EXOC1: variants seen among roughly 807,000 people sequenced by gnomAD.
EXOC1 encodes the protein exocyst complex component 1.
EXOC1 carries 67 observed loss-of-function variants against 107.7 expected under a neutral mutation model. The ratio of observed to expected loss-of-function variants is 0.62; its 90% CI spans 0.51 to 0.76. The LOEUF (loss-of-function observed/expected upper bound fraction) is 0.76. EXOC1 is among the 30% of genes least tolerant of loss of function. The pLI is 0.00. For synonymous variants in EXOC1, 348 were observed against 353.5 expected (o/e 0.98, Z 0.17); for missense variants, 833 against 1,055.7 (o/e 0.79, Z 2.92).
chr4:55,897,357 A>G (rs1464784394), intron 16 of EXOC1, among the ~76,000 whole-genome samples: 1 of 152,146 alleles, frequency 6.6e-6, no homozygotes. Flanking sequence ...TTTGCATTTT[A>G]ACAAGTGGTC....
At chr4:55,893,427 C>A in intron 14 of EXOC1, 125 bp from the exon 15 acceptor site, 2 of 889,084 alleles carry the variant, frequency 2.2e-6, no homozygotes, top group Non-Finnish European at 3.4e-6. Flanking sequence ...GCTATTTAGA[C>A]ATTTTTAATT....
rs781333428 is a variant in EXOC1, at chr4:55,890,372, A to G, written c.1525A>G (p.Thr509Ala). Residue 509 changes from threonine to alanine, a missense_variant, in exon 12 of 19, where the codon ACC becomes GCC. Physicochemically the swap from Thr to Ala is moderately conservative, Grantham distance 58. This residue lies in a region of EXOC1 where 617 missense variants were observed against 701.3 expected (regional missense o/e 0.88). Transcript: ENST00000381295. ...CTCTGATCTCGATGTTGCTGACAGG[A>G]CCAAATTTGATAAGGTAAACTAAAA... is the stretch of plus-strand genomic sequence containing the variant. ...SASDLDVADRTKFDKIFEQVL... is the reference protein window; with the variant it reads ...SASDLDVADRAKFDKIFEQVL... 8.7e-6 allele frequency: 14 copies of G among 1,613,682 alleles called. No homozygotes were observed. In the South Asian group the frequency reaches 1.5e-4, roughly 18 times the overall value.
At chr4:55,895,522 T>C (rs1017276530) in intron 15 of EXOC1, among the ~76,000 whole-genome samples, 2 of 152,176 alleles carry the variant, frequency 1.3e-5, no homozygotes, top group African/African-American at 2.4e-5. Context: ...AGGGTTTTCT[T>C]ATACTAATGT....
At position 55,879,561 on chromosome 4, in the gene EXOC1, A is replaced by G. The variant is rs538487782; in HGVS notation, c.1224+1495A>G. Among the ~76,000 whole-genome samples the G allele has an allele frequency of 3.3e-5, 5 of 152,266 alleles. No homozygotes were observed. The South Asian group carries it at 1.0e-3, about 32-fold the overall frequency. On this transcript the variant is annotated intron_variant, in intron 9 of 18. Transcript: ENST00000381295. ...TTGCAGGGTAGGGAGGGGAGATGGT[A>G]GACTTTGAGCCATGGAATGACATGG...
At chr4:55,880,304 C>G (rs11932770) in intron 9 of EXOC1, among the ~76,000 whole-genome samples, 40 of 150,514 alleles carry the variant, frequency 2.7e-4, no homozygotes, top group African/African-American at 9.5e-4. Flanking sequence ...TTTAAAAATG[C>G]TTTTCAAAAA....
intron 15 of EXOC1, among the ~76,000 whole-genome samples, chr4:55,894,561 T>G (rs987185023): frequency 9.9e-5 from 15 of 151,434 alleles, no homozygotes; most frequent in African/African-American, 2.9e-4. Flanking sequence ...ACTGAGCAAT[T>G]ATCATTTTCC....
intron 2 of EXOC1, among the ~76,000 whole-genome samples, chr4:55,859,816 G>A (rs893797863): frequency 6.6e-6 from 1 of 152,118 alleles, no homozygotes; most frequent in Non-Finnish European, 1.5e-5. Flanking sequence ...TTTCTTCCTT[G>A]TTAGTGTAGT....
intron 4 of EXOC1, chr4:55,866,807 T>G: frequency 2.1e-6 from 2 of 950,096 alleles, no homozygotes; most frequent in South Asian, 9.7e-5. Flanking sequence ...GCCTGTTTAC[T>G]TTTCTACCCA....
At chr4:55,886,342 C>CTG (rs1723872564) in intron 10 of EXOC1, among the ~76,000 whole-genome samples, 1 of 151,870 alleles carries the variant, frequency 6.6e-6, no homozygotes, top group African/African-American at 2.4e-5. Context: ...GACTTGAGCC[C>CTG]TGGAGGTCGA....
At chr4:55,889,243 A>G (rs1218976430) in intron 11 of EXOC1, among the ~76,000 whole-genome samples, 1 of 152,220 alleles carries the variant, frequency 6.6e-6, no homozygotes, top group Non-Finnish European at 1.5e-5. Context: ...GATTTTACAT[A>G]ATGAAGCCAA....
chr4:55,868,072 CTG>C (rs1285722845), intron 4 of EXOC1, among the ~76,000 whole-genome samples: 5 of 152,106 alleles, frequency 3.3e-5, no homozygotes, highest in Non-Finnish European at 7.4e-5. Context: ...TTTTGGGAAA[CTG>C]TGGTGAAAGC....
At chr4:55,867,449 T>A (rs1722056054) in intron 4 of EXOC1, among the ~76,000 whole-genome samples, 1 of 152,150 alleles carries the variant, frequency 6.6e-6, no homozygotes, top group Admixed American at 6.5e-5. Flanking sequence ...TCTGTGAAAT[T>A]GCTAACTTTA....
chr4:55,857,103 T>G (rs1418670220), intron 1 of EXOC1, among the ~76,000 whole-genome samples: 5 of 151,816 alleles, frequency 3.3e-5, no homozygotes, highest in African/African-American at 1.2e-4. Context: ...CTCCTTTCAC[T>G]TAGCATAATC....
chr4:55,869,485 A>G (rs1722239723), intron 5 of EXOC1, among the ~76,000 whole-genome samples: 1 of 152,218 alleles, frequency 6.6e-6, no homozygotes, highest in South Asian at 2.1e-4. Flanking sequence ...GAAATCCCTC[A>G]GAGGATAAGG....
At chr4:55,879,470 G>A (rs1029179174) in intron 9 of EXOC1, among the ~76,000 whole-genome samples, 2 of 151,074 alleles carry the variant, frequency 1.3e-5, no homozygotes, top group Non-Finnish European at 1.5e-5. Flanking sequence ...AGACCCTGGT[G>A]GGGGCAGGGT....
intron 7 of EXOC1, 75 bp from the exon 8 acceptor site, chr4:55,871,774 C>A (rs148786096): frequency 7.7e-7 from 1 of 1,306,910 alleles, no homozygotes; most frequent in Non-Finnish European, 1.1e-6. Context: ...ACGTTAGATA[C>A]GTTTAATGTT....
chr4:55,869,124 C>T (rs551620374), intron 5 of EXOC1, among the ~76,000 whole-genome samples: 13 of 151,934 alleles, frequency 8.6e-5, no homozygotes, highest in African/African-American at 1.9e-4. Context: ...TCAACACTTT[C>T]GGAGACTGAG....
At chr4:55,859,681 A>G (rs1171310466) in intron 2 of EXOC1, among the ~76,000 whole-genome samples, 1 of 152,162 alleles carries the variant, frequency 6.6e-6, no homozygotes, top group Non-Finnish European at 1.5e-5. Flanking sequence ...TAGGGTTTTT[A>G]TAGCTATACT....
chr4:55,860,125 A>T lies in EXOC1; in HGVS notation c.125-286A>T, dbSNP rs1402363830. ...AAGCCTCACAGACTTTACTTATGTC[A>T]ATCATTCTTTAGATTTTTACCTCAT... On this transcript the variant is annotated intron_variant, in intron 2 of 18. Coordinates refer to ENST00000381295, the MANE Select transcript of EXOC1 (RefSeq NM_001024924.2). Among the ~76,000 whole-genome samples, 3 of 152,342 alleles carry T rather than the reference A, an allele frequency of 2.0e-5. No individual in the cohort carries two copies. In the East Asian group the frequency reaches 5.8e-4, roughly 29 times the overall value.
Sources: gnomAD v4.1 joint callset for allele counts (sites outside exome capture counted in the v4.1 genomes callset) on GRCh38, gnomAD v4.1.1 for gene constraint, gnomAD v4.1.1 regional missense constraint, MANE v1.5 for transcripts, NCBI Gene and HGNC (gene_info 2026-07-23, HGNC 2026-07-21) for gene names.